The following MYO3B variants were observed in gnomAD, a reference collection of about 807,000 sequenced individuals.
MYO3B encodes the protein myosin IIIB.
In MYO3B, 156 loss-of-function variants were observed where a neutral mutation model predicts 174.6. The ratio of observed to expected loss-of-function variants is 0.89; its 90% CI spans 0.78 to 1.02. MYO3B has a LOEUF of 1.02. Ranked by LOEUF, MYO3B falls within the 50% of genes least tolerant of loss-of-function variation. MYO3B has a pLI of 0.00. For missense variants in MYO3B, 1,632 were observed against 1,639.4 expected (o/e 1.00, Z 0.08); for synonymous variants, 563 against 569.1 (o/e 0.99, Z 0.15).
intron 7 of MYO3B, among the ~76,000 whole-genome samples, chr2:170,326,567 C>G (rs2105510386): frequency 6.6e-6 from 1 of 152,330 alleles, no homozygotes; most frequent in African/African-American, 2.4e-5. Flanking sequence ...ACGAGCCACA[C>G]ACCCACTTGT....
intron 9 of MYO3B, among the ~76,000 whole-genome samples, chr2:170,370,417 G>A (rs2105688315): frequency 6.6e-6 from 1 of 152,204 alleles, no homozygotes; most frequent in East Asian, 1.9e-4. Flanking sequence ...ATAGCTCAGA[G>A]GGGATTTTTT....
At chr2:170,562,699 C>T (rs921864155) in intron 32 of MYO3B, among the ~76,000 whole-genome samples, 2 of 152,120 alleles carry the variant, frequency 1.3e-5, no homozygotes, top group African/African-American at 4.8e-5. Context: ...TCCTTTCTGC[C>T]TCCTGTAAAA....
At chr2:170,185,452 G>C (rs1164789712) in intron 1 of MYO3B, among the ~76,000 whole-genome samples, 1 of 152,158 alleles carries the variant, frequency 6.6e-6, no homozygotes, top group South Asian at 2.1e-4. Context: ...AGAGTTCACT[G>C]TGAATGCATT....
intron 7 of MYO3B, among the ~76,000 whole-genome samples, chr2:170,304,789 G>A (rs573885929): frequency 9.9e-5 from 15 of 151,704 alleles, no homozygotes; most frequent in Admixed American, 7.2e-4. Context: ...TTTTCTACTG[G>A]GGCTTTTATA....
rs757204474 is a variant in MYO3B at position 170,514,955 on chromosome 2, C to T, written c.3405C>T (p.Ser1135=). 9.3e-6 allele frequency: 15 copies of T among 1,613,740 alleles called. No individual in the cohort carries two copies. In the East Asian group the frequency reaches 3.1e-4, roughly 34 times the overall value. The change falls in exon 29 of 35, where the codon TCC becomes TCT. Residue 1135 remains serine, a synonymous_variant. Coordinates refer to ENST00000408978, the MANE Select transcript of MYO3B (RefSeq NM_138995.5). ...CAAACCAAAGCAGTGGGCCACATTC[C>T]CCCGTCGCAGCAGGTACGAGGGGAA... ...DTSNQSSGPH[S]PVAAGTRGSA...
chr2:170,609,527 A>C (rs545109239), intron 32 of MYO3B, among the ~76,000 whole-genome samples: 69 of 152,338 alleles, frequency 4.5e-4, no homozygotes, highest in African/African-American at 1.5e-3. Context: ...AGAGACAACT[A>C]TGTAAGTTAC....
intron 1 of MYO3B, among the ~76,000 whole-genome samples, chr2:170,197,088 C>A (rs2092609629): frequency 6.6e-6 from 1 of 151,792 alleles, no homozygotes; most frequent in Non-Finnish European, 1.5e-5. Flanking sequence ...TGTGGCCCCA[C>A]CCAGCAGCAA....
intron 5 of MYO3B, 63 bp from the exon 6 acceptor site, chr2:170,217,256 G>A: frequency 6.9e-7 from 1 of 1,444,836 alleles, no homozygotes; most frequent in South Asian, 1.1e-5. Flanking sequence ...GAAAAAGTCT[G>A]CCGATTGCTG....
chr2:170,519,562 T>C (rs1688533650), intron 30 of MYO3B, 22 bp downstream of exon 30: 1 of 1,583,636 alleles, frequency 6.3e-7, no homozygotes, highest in Non-Finnish European at 8.7e-7. Flanking sequence ...CTGCTAAGAG[T>C]TCCCTGTTGT....
chr2:170,294,367 T>G (rs1574733290), intron 7 of MYO3B, among the ~76,000 whole-genome samples: 1 of 151,548 alleles, frequency 6.6e-6, no homozygotes, highest in East Asian at 1.9e-4. Flanking sequence ...TTGGATATAT[T>G]TATTTTCATT....
intron 1 of MYO3B, 70 bp from the exon 2 acceptor site, chr2:170,199,138 T>G: frequency 9.2e-7 from 1 of 1,084,300 alleles, no homozygotes; most frequent in Non-Finnish European, 1.3e-6. Flanking sequence ...ATAAAAATCT[T>G]TTTGTTTCAA....
chr2:170,407,798 A>G lies in MYO3B; in HGVS notation c.2604A>G (p.Glu868=), dbSNP rs1032408900. 10 of 1,613,982 alleles carry G rather than the reference A, an allele frequency of 6.2e-6. No individual in the cohort carries two copies. The Admixed American group carries it at 1.7e-4, about 27-fold the overall frequency. The change falls in exon 22 of 35, where the codon GAA becomes GAG. Residue 868 remains glutamate (E), a synonymous_variant. Transcript: ENST00000408978. ...ADVVVVLRTS[E]NKLLQQLFSI... is the part of the protein sequence containing the mutation. The stretch of plus-strand genomic sequence containing the variant: ...TGGTTGTGGTCCTGAGAACGTCAGA[A>G]AACAAGCTTCTTCAGCAGCTCTTCT...
chr2:170,589,779 G>A (rs942448750), intron 32 of MYO3B, among the ~76,000 whole-genome samples: 2 of 152,174 alleles, frequency 1.3e-5, no homozygotes, highest in South Asian at 2.1e-4. Context: ...TGTAGTCTAA[G>A]TGTATAGTGT....
rs545042350 is a variant in MYO3B at position 170,590,517 on chromosome 2, T to C, written c.3733+46529T>C. 6.6e-5 allele frequency among the ~76,000 whole-genome samples: 10 copies of C among 152,086 alleles called. No individual in the cohort carries two copies. In the East Asian group the frequency reaches 9.6e-4, roughly 15 times the overall value. ...CAGAACCCACCAAATGTACCTCTTC[T>C]CACACCAGCTGAGGCTACTTTCTTC... On this transcript the variant is annotated intron_variant, in intron 32 of 34. Coordinates refer to ENST00000408978, the MANE Select transcript of MYO3B (RefSeq NM_138995.5).
intron 8 of MYO3B, among the ~76,000 whole-genome samples, chr2:170,367,756 G>A (rs775033506): frequency 6.6e-6 from 1 of 152,180 alleles, no homozygotes; most frequent in Non-Finnish European, 1.5e-5. Context: ...CATGAACACA[G>A]TCTTCTTAAA....
chr2:170,538,110 G>T (rs955533505), intron 30 of MYO3B, among the ~76,000 whole-genome samples: 2 of 152,078 alleles, frequency 1.3e-5, no homozygotes, highest in Admixed American at 6.5e-5. Flanking sequence ...GTGTCTCAAC[G>T]CCTATCCAAG....
At chr2:170,270,284 C>T (rs529944279) in intron 7 of MYO3B, among the ~76,000 whole-genome samples, 2 of 152,322 alleles carry the variant, frequency 1.3e-5, no homozygotes, top group East Asian at 1.9e-4. Flanking sequence ...ACCCATTCTG[C>T]TCCACCCTCA....
At chr2:170,603,270 G>A (rs1694628291) in intron 32 of MYO3B, among the ~76,000 whole-genome samples, 1 of 151,996 alleles carries the variant, frequency 6.6e-6, no homozygotes, top group Admixed American at 6.5e-5. Context: ...AGTATTGTTT[G>A]AAGTGGAAAA....
Position 170,542,951 on chromosome 2 carries a change from A to G in MYO3B, c.3621A>G (p.Ala1207=), listed in dbSNP as rs751680119. 9 of 1,609,972 alleles carry G rather than the reference A, an allele frequency of 5.6e-6. No individual in the cohort carries two copies. Among genetic ancestry groups the G allele is most frequent in the Middle Eastern group, 1.6e-4 (1 of 6,080 alleles). The change falls in exon 31 of 35, where the codon GCA becomes GCG. Residue 1207 remains alanine, a synonymous_variant. Coordinates refer to ENST00000408978, the MANE Select transcript of MYO3B (RefSeq NM_138995.5). ...CTCCAAAAGGGTGCGATATCTTCGC[A>G]GGACATGCAAACAAGGTAGCTGGAT... ...QSSPKGCDIF[A]GHANKHSVSG... is the part of the protein sequence containing the mutation.
Sources: gnomAD v4.1 joint callset for allele counts (sites outside exome capture counted in the v4.1 genomes callset) on GRCh38, gnomAD v4.1.1 for gene constraint, MANE v1.5 for transcripts, NCBI Gene and HGNC (gene_info 2026-07-23, HGNC 2026-07-21) for gene names.